The following PCDH11X variants were observed in gnomAD, a reference collection of about 807,000 sequenced individuals.
PCDH11X encodes protocadherin-11 X-linked.
In PCDH11X, 18 loss-of-function variants were observed where a neutral mutation model predicts 53.3. The observed-to-expected ratio is 0.34, with a 90% CI of 0.23 to 0.50. PCDH11X has a LOEUF of 0.50. Ranked by LOEUF, PCDH11X falls within the 20% of genes least tolerant of loss-of-function variation. The pLI is 0.98. For synonymous variants in PCDH11X, 279 were observed against 393.3 expected (o/e 0.71, Z 3.44); for missense variants, 570 against 1,032.4 (o/e 0.55, Z 6.14).
intron 7 of PCDH11X, among the ~76,000 whole-genome samples, chrX:92,227,251 TC>T (rs1348476496): frequency 9.0e-6 from 1 of 111,463 alleles, no homozygotes; most frequent in Admixed American, 9.6e-5. Context: ...TCCACATTGA[TC>T]CTATAAAATA....
chrX:92,058,263 G>A (rs1343647574), intron 6 of PCDH11X, among the ~76,000 whole-genome samples: 1 of 110,446 alleles, frequency 9.1e-6, no homozygotes, highest in Admixed American at 9.8e-5. Flanking sequence ...GGGGAAGGAT[G>A]GAAGGGGATT....
intron 8 of PCDH11X, 26 bp downstream of exon 8, chrX:92,263,169 T>C: frequency 8.7e-7 from 1 of 1,155,625 alleles, no homozygotes; most frequent in Non-Finnish European, 1.2e-6. Flanking sequence ...TCAAAGAAAA[T>C]TGATTTTGAA....
At chrX:92,477,667 C>T (rs1453493801) in intron 10 of PCDH11X, among the ~76,000 whole-genome samples, 8 of 87,242 alleles carry the variant, frequency 9.2e-5, no homozygotes, top group Admixed American at 2.7e-4. Context: ...CAGAGGGAGT[C>T]TTGCCCCCTA....
intron 7 of PCDH11X, among the ~76,000 whole-genome samples, chrX:92,252,956 C>T (rs1218334000): frequency 9.0e-6 from 1 of 110,602 alleles, no homozygotes; most frequent in African/African-American, 3.3e-5. Context: ...CAAGGATACA[C>T]ACTCTGTAAC....
intron 10 of PCDH11X, among the ~76,000 whole-genome samples, chrX:92,509,683 G>A (rs2074129927): frequency 9.0e-6 from 1 of 111,541 alleles, no homozygotes; most frequent in African/African-American, 3.3e-5. Flanking sequence ...GGGGAAACGT[G>A]AGGATAAGAG....
At chrX:92,200,604 T>C (rs2066372945) in intron 6 of PCDH11X, among the ~76,000 whole-genome samples, 1 of 112,168 alleles carries the variant, frequency 8.9e-6, no homozygotes, top group Non-Finnish European at 1.9e-5. Context: ...AATCTGTTAA[T>C]TCCTGAAAAG....
intron 6 of PCDH11X, among the ~76,000 whole-genome samples, chrX:92,155,617 CTTTTTTTTT>C (rs775178966): frequency 2.5e-5 from 2 of 79,783 alleles, no homozygotes; most frequent in Non-Finnish European, 4.4e-5. Context: ...ACTTCAATAG[CTTTTTTTTT>C]TTTTTTTTTT....
intron 9 of PCDH11X, among the ~76,000 whole-genome samples, chrX:92,433,102 G>C (rs938958861): frequency 1.8e-5 from 2 of 110,774 alleles, no homozygotes; most frequent in African/African-American, 6.5e-5. Context: ...GGGATTCATA[G>C]TGGTGTTTTT....
intron 6 of PCDH11X, among the ~76,000 whole-genome samples, chrX:92,024,143 T>C (rs2062931977): frequency 9.1e-6 from 1 of 110,164 alleles, no homozygotes; most frequent in African/African-American, 3.3e-5. Context: ...CTATTCAACA[T>C]GGTGTTGGAA....
At chrX:91,894,990 G>A (rs1431992915) in intron 6 of PCDH11X, among the ~76,000 whole-genome samples, 49 of 110,716 alleles carry the variant, frequency 4.4e-4, no homozygotes, top group African/African-American at 1.6e-3. Flanking sequence ...TGTTCACATA[G>A]GGGCATGCAC....
chrX:92,044,858 T>C (rs2063262817), intron 6 of PCDH11X, among the ~76,000 whole-genome samples: 1 of 103,195 alleles, frequency 9.7e-6, no homozygotes, highest in Non-Finnish European at 1.9e-5. Flanking sequence ...ATGGTAGATA[T>C]GAAAATGAGT....
intron 10 of PCDH11X, among the ~76,000 whole-genome samples, chrX:92,605,695 A>T (rs1275746753): frequency 3.6e-5 from 4 of 111,954 alleles, no homozygotes; most frequent in African/African-American, 1.3e-4. Flanking sequence ...AACATTTCTT[A>T]AAAAAATTAA....
chrX:92,484,245 A>ATATGTATATTTATACATATATATGTG (rs1219270198), intron 10 of PCDH11X, among the ~76,000 whole-genome samples: 3 of 98,456 alleles, frequency 3.0e-5, no homozygotes, highest in Non-Finnish European at 6.0e-5. Context: ...ATATATGTAT[A>ATATGTATATTTATACATATATATGTG]TATGTATATT....
At chrX:92,088,578 A>G (rs1239903282) in intron 6 of PCDH11X, among the ~76,000 whole-genome samples, 1 of 111,224 alleles carries the variant, frequency 9.0e-6, no homozygotes, top group Non-Finnish European at 1.9e-5. Context: ...AAGCTCAAAA[A>G]CACTTCTGAT....
intron 8 of PCDH11X, among the ~76,000 whole-genome samples, chrX:92,354,590 G>C (rs2070144305): frequency 9.0e-6 from 1 of 111,361 alleles, no homozygotes. Context: ...CTGGAGCTTA[G>C]GTCTCTTGAT....
chrX:92,382,598 T>G (rs1032846688), intron 8 of PCDH11X, among the ~76,000 whole-genome samples: 18 of 111,635 alleles, frequency 1.6e-4, no homozygotes, highest in Non-Finnish European at 2.4e-4. Context: ...AAATGATTTA[T>G]GTGAATGACA....
chrX:92,304,624 T>C (rs1268577093), intron 8 of PCDH11X, among the ~76,000 whole-genome samples: 13 of 111,749 alleles, frequency 1.2e-4, no homozygotes, highest in Admixed American at 1.1e-3. Flanking sequence ...TAGCTTGCCT[T>C]CCCACTCTTA....
intron 9 of PCDH11X, among the ~76,000 whole-genome samples, chrX:92,411,388 G>A (rs1026198967): frequency 6.3e-5 from 7 of 110,669 alleles, no homozygotes; most frequent in South Asian, 3.9e-4. Flanking sequence ...TTTAAGCCCC[G>A]CACGCATTAA....
chrX:92,370,086 ATGT>A (rs1424558914), intron 8 of PCDH11X, among the ~76,000 whole-genome samples: 5 of 107,896 alleles, frequency 4.6e-5, no homozygotes, highest in African/African-American at 1.3e-4. Flanking sequence ...CATTTTTTGC[ATGT>A]TGTGTTTTAA....
Sources: allele counts gnomAD v4.1 joint callset (sites outside exome capture counted in the v4.1 genomes callset), GRCh38; gene constraint gnomAD v4.1.1; transcripts MANE v1.5; gene names NCBI Gene and HGNC (gene_info 2026-07-23, HGNC 2026-07-21).